The following TMEM131L variants were observed in gnomAD, a reference collection of about 807,000 sequenced individuals.
The protein encoded by TMEM131L is transmembrane 131 like, also known as transmembrane protein 131-like.
Under a neutral mutation model 192.2 loss-of-function variants are expected in TMEM131L, and 54 were observed. That is an observed-to-expected ratio of 0.28 (90% CI 0.23 to 0.35). The LOEUF is 0.35. Among genes scored for constraint, TMEM131L ranks in the 10% least tolerant of loss-of-function variants. TMEM131L has a pLI of 1.00. For missense variants in TMEM131L, 1,888 were observed against 1,972.9 expected (o/e 0.96, Z 0.82); for synonymous variants, 701 against 704.9 (o/e 0.99, Z 0.09).
At chr4:153,632,548 C>T in intron 31 of TMEM131L, 170 bp from the exon 32 acceptor site, 1 of 691,744 alleles carries the variant, frequency 1.4e-6, no homozygotes, top group Non-Finnish European at 2.4e-6. Flanking sequence ...ACGGTCAAAA[C>T]AATATGCTGT....
Position 153,555,738 on chromosome 4 carries a change from A to G in TMEM131L, c.309-49A>G. On this transcript the variant is annotated intron_variant, in intron 4 of 34. Transcript: ENST00000409959. This position sits in a 1 kb window ranked among gnomAD's most constrained non-coding sequence, Gnocchi z 4.1. ...ATAATACATATATATGTATGGTAATATTTATAACCACACAATACATTGATT... is the reference window on the plus strand; with the variant it reads ...ATAATACATATATATGTATGGTAATGTTTATAACCACACAATACATTGATT... 4.0e-6 allele frequency: 6 copies of G among 1,505,580 alleles called. No individual in the cohort carries two copies. The highest frequency in any genetic ancestry group is 1.2e-5 in the South Asian group (1 of 81,782). The allele number at this position is 1,505,580 out of a possible 1,614,324, so 93.3% of individuals were successfully genotyped here. A position where few individuals can be genotyped will look rare whatever the true frequency, so the allele number is the denominator to read the frequency against.
At chr4:153,505,109 C>CT (rs34450106) in intron 3 of TMEM131L, among the ~76,000 whole-genome samples, 5,904 of 141,266 alleles carry the variant, frequency 0.042, 141 homozygotes, top group Non-Finnish European at 0.052. Flanking sequence ...TTCTTTCTTT[C>CT]TTTTTTTTTT....
intron 4 of TMEM131L, among the ~76,000 whole-genome samples, chr4:153,551,112 T>C (rs1190561538): frequency 6.6e-6 from 1 of 152,136 alleles, no homozygotes; most frequent in East Asian, 1.9e-4. Flanking sequence ...TTCTAATTAG[T>C]AGTTTCAAGA....
chr4:153,606,116 A>G (rs1436495995), intron 25 of TMEM131L, among the ~76,000 whole-genome samples: 1 of 152,166 alleles, frequency 6.6e-6, no homozygotes, highest in Non-Finnish European at 1.5e-5. Context: ...CTGTGGATGT[A>G]TTATGATGGG....
intron 16 of TMEM131L, among the ~76,000 whole-genome samples, chr4:153,590,379 G>T (rs1310650250): frequency 6.6e-6 from 1 of 152,182 alleles, no homozygotes; most frequent in Admixed American, 6.5e-5. Flanking sequence ...ATCTCATCAG[G>T]AAGTACGTAA....
intron 7 of TMEM131L, among the ~76,000 whole-genome samples, chr4:153,580,466 C>G (rs1292588402): frequency 6.6e-6 from 1 of 152,100 alleles, no homozygotes; most frequent in African/African-American, 2.4e-5. Context: ...ACAATAGATT[C>G]CTGTGTTTAA....
At chr4:153,467,419 G>T in intron 2 of TMEM131L, 138 bp downstream of exon 2, 1 of 725,668 alleles carries the variant, frequency 1.4e-6, no homozygotes, top group Admixed American at 2.7e-5. Context: ...GTTAGGGGCC[G>T]AGCCTGAACA....
At chr4:153,619,767 C>T (rs1733256123) in intron 26 of TMEM131L, among the ~76,000 whole-genome samples, 1 of 152,220 alleles carries the variant, frequency 6.6e-6, no homozygotes, top group Non-Finnish European at 1.5e-5. Flanking sequence ...ACTCTGATTG[C>T]TGGGCCAACC....
At chr4:153,542,339 C>CA (rs1736849038) in intron 3 of TMEM131L, among the ~76,000 whole-genome samples, 1 of 152,116 alleles carries the variant, frequency 6.6e-6, no homozygotes, top group Non-Finnish European at 1.5e-5. Context: ...GTGGAGAGGC[C>CA]AAGTCAGCTC....
At chr4:153,557,278 C>T (rs1728535029) in intron 6 of TMEM131L, among the ~76,000 whole-genome samples, 196 bp downstream of exon 6, 1 of 152,216 alleles carries the variant, frequency 6.6e-6, no homozygotes, top group African/African-American at 2.4e-5. Context: ...GGCTTTCCTA[C>T]TGATGACGGA....
At chr4:153,487,719 T>TGTGTGTGTGAGA (rs369094307) in intron 3 of TMEM131L, among the ~76,000 whole-genome samples, 1 of 143,438 alleles carries the variant, frequency 7.0e-6, no homozygotes, top group African/African-American at 2.6e-5. Flanking sequence ...TGTGTGTGTG[T>TGTGTGTGTGAGA]GAGAGAGAGA....
chr4:153,632,634 T>C, intron 31 of TMEM131L, 84 bp from the exon 32 acceptor site: 1 of 1,541,972 alleles, frequency 6.5e-7, no homozygotes, highest in Non-Finnish European at 8.9e-7. Context: ...GGGAGTGTTT[T>C]CTGGAGGGAA....
At chr4:153,583,717 T>C in intron 11 of TMEM131L, 45 bp downstream of exon 11, 1 of 1,117,542 alleles carries the variant, frequency 8.9e-7, no homozygotes, top group Non-Finnish European at 1.3e-6. Flanking sequence ...TGTTATCTGG[T>C]TGTCATGATG....
chr4:153,489,003 G>A (rs1414623737), intron 3 of TMEM131L, among the ~76,000 whole-genome samples: 3 of 152,188 alleles, frequency 2.0e-5, no homozygotes, highest in Non-Finnish European at 4.4e-5. Context: ...CTCCAGTCCA[G>A]CCTCATCTGG....
At chr4:153,624,516 A>T (rs1355776080) in intron 29 of TMEM131L, among the ~76,000 whole-genome samples, 2 of 152,248 alleles carry the variant, frequency 1.3e-5, no homozygotes, top group Non-Finnish European at 2.9e-5. Context: ...TAACTTTAGT[A>T]AAAAGAAAGG....
intron 3 of TMEM131L, among the ~76,000 whole-genome samples, chr4:153,532,901 T>C (rs1267663703): frequency 6.6e-6 from 1 of 152,074 alleles, no homozygotes; most frequent in Non-Finnish European, 1.5e-5. Context: ...TTAAAGGAAC[T>C]CATTGGCCCT....
rs768719981 is a variant in TMEM131L, at chr4:153,585,519, G to C, written c.1219G>C (p.Gly407Arg). ...CATAGAGACTCATGAGAACACATCA[G>C]GACTTTGGTCAATATGGTACCGCAA... is the stretch of plus-strand genomic sequence containing the variant. ...FHIETHENTSGLWSIWYRNHF... is the reference protein window; with the variant it reads ...FHIETHENTSRLWSIWYRNHF... Residue 407 changes from glycine (G) to arginine (R), a missense_variant, in exon 13 of 35, where the codon GGA (glycine) becomes CGA (arginine). Physicochemically the swap from Gly to Arg is moderately radical, Grantham distance 125. Transcript: ENST00000409959. 3.1e-6 allele frequency: 5 copies of C among 1,613,842 alleles called. No homozygotes were observed. Among genetic ancestry groups the C allele is most frequent in the Admixed American group, 1.7e-5 (1 of 59,986 alleles).
chr4:153,562,990 C>T (rs990730662), intron 7 of TMEM131L, among the ~76,000 whole-genome samples: 8 of 152,140 alleles, frequency 5.3e-5, no homozygotes, highest in African/African-American at 1.9e-4. Context: ...GTAAAAAGTA[C>T]AGGCTGATTA....
intron 9 of TMEM131L, among the ~76,000 whole-genome samples, chr4:153,581,951 G>A (rs954926315): frequency 7.2e-5 from 11 of 152,182 alleles, no homozygotes; most frequent in Non-Finnish European, 1.6e-4. Context: ...ATAGCTAATA[G>A]GTTGCGGTTG....
Sources: allele counts gnomAD v4.1 joint callset (sites outside exome capture counted in the v4.1 genomes callset), GRCh38; gene constraint gnomAD v4.1.1; non-coding constraint Gnocchi (gnomAD v3.1); transcripts MANE v1.5; gene names NCBI Gene and HGNC (gene_info 2026-07-23, HGNC 2026-07-21).